MPST: variants seen among roughly 807,000 people sequenced by gnomAD.
MPST encodes the protein 3-mercaptopyruvate sulfurtransferase.
Under a neutral mutation model 28.5 loss-of-function variants are expected in MPST, and 27 were observed. That is an observed-to-expected ratio of 0.95 (90% CI 0.70 to 1.31). The LOEUF is 1.31. MPST is among the 50% of genes most tolerant of loss of function. The pLI is 0.00. For synonymous variants in MPST, 204 were observed against 209.3 expected, an observed-to-expected ratio of 0.97 and a Z score of 0.22; for missense variants, 492 against 471.1, an observed-to-expected ratio of 1.04 and a Z score of -0.41.
intron 2 of MPST, chr22:37,026,619 T>C (rs1923546657): frequency 6.6e-6 from 1 of 152,240 alleles, no homozygotes; most frequent in African/African-American, 2.4e-5. Context: ...ATTCAAGGTG[T>C]AGGGATGGCC....
At position 37,024,296 on chromosome 22, in the gene MPST, G is replaced by A; in HGVS notation, c.141G>A (p.Gln47=). 1 of 1,524,806 alleles carries A rather than the reference G, an allele frequency of 6.6e-7. No homozygotes were observed. Among genetic ancestry groups the A allele is most frequent in the Non-Finnish European group, 8.8e-7 (1 of 1,140,266 alleles). The allele number at this position is 1,524,806 out of a possible 1,614,324, so 94.5% of individuals were successfully genotyped here. ...CGCTGCGGGCCCCGCGCGCTGGGCA[G>A]CCTCTGCAGCTGCTGGACGCCTCCT... The part of the protein sequence containing the change: ...AEALRAPRAG[Q]PLQLLDASWY... The change falls in exon 2 of 3, where the codon CAG becomes CAA. Residue 47 remains glutamine (Q), a synonymous_variant. Transcript: ENST00000429360.
At chr22:37,025,398 G>C (rs112097392) in intron 2 of MPST, 2 of 259,866 alleles carry the variant, frequency 7.7e-6, no homozygotes, top group African/African-American at 4.4e-5. Flanking sequence ...AATGAAGGCA[G>C]AGTCGGGGGC....
intron 2 of MPST, chr22:37,025,317 G>A (rs918256922): frequency 1.1e-5 from 5 of 455,408 alleles, no homozygotes; most frequent in African/African-American, 8.2e-5. Flanking sequence ...TTGGGGGGCA[G>A]GCCCCAGTAT....
chr22:37,019,806 C>T lies in MPST; in HGVS notation c.-31C>T, dbSNP rs1422920160. On this transcript the variant is annotated 5_prime_UTR_variant, in exon 1 of 3. Transcript: ENST00000429360. ...GGCGGGAGGAGGGGACAGCTGCGGGCGCGGGGAGGGGGCGCCGCGCCGCGG... is the reference window on the plus strand; with the variant it reads ...GGCGGGAGGAGGGGACAGCTGCGGGTGCGGGGAGGGGGCGCCGCGCCGCGG... 5.3e-6 allele frequency: 6 copies of T among 1,133,326 alleles called. No individual in the cohort carries two copies. The highest frequency in any genetic ancestry group is 6.7e-6 in the Non-Finnish European group (6 of 897,760). The allele number at this position is 1,133,326 out of a possible 1,614,324, so 70.2% of individuals were successfully genotyped here.
At chr22:37,021,132 C>A (rs890728749) in intron 1 of MPST, among the ~76,000 whole-genome samples, 1 of 152,178 alleles carries the variant, frequency 6.6e-6, no homozygotes, top group Non-Finnish European at 1.5e-5. Context: ...CTGCGGCTCA[C>A]GCTTGCTTCA....
Position 37,024,257 on chromosome 22 carries a change from A to C in MPST, c.102A>C (p.Gln34His), listed in dbSNP as rs1923298230. Reference sequence around the variant, plus strand: ...TCTGCCGCGCGCTGGTGTCGGCGCAATGGGTGGCGGAGGCGCTGCGGGCCC... The same window carrying C: ...TCTGCCGCGCGCTGGTGTCGGCGCACTGGGTGGCGGAGGCGCTGCGGGCCC... ...PQLCRALVSA[Q>H]WVAEALRAPR... Residue 34 changes from glutamine (Q) to histidine (H), a missense_variant, in exon 2 of 3, where the codon CAA becomes CAC. Physicochemically the swap from Gln to His is conservative, Grantham distance 24. Coordinates refer to ENST00000429360, the MANE Select transcript of MPST (RefSeq NM_021126.8). 6.9e-7 allele frequency: 1 copy of C among 1,446,132 alleles called. No homozygotes were observed. Among genetic ancestry groups the C allele is most frequent in the Non-Finnish European group, 9.0e-7 (1 of 1,109,338 alleles). The allele number at this position is 1,446,132 out of a possible 1,614,324, so 89.6% of individuals were successfully genotyped here.
At chr22:37,026,117 C>G (rs969833088) in intron 2 of MPST, 4 of 152,206 alleles carry the variant, frequency 2.6e-5, no homozygotes, top group African/African-American at 9.7e-5. Context: ...GAGAGCACCA[C>G]CTTAATCCTG....
chr22:37,024,992 C>A, intron 2 of MPST, 182 bp downstream of exon 2: 1 of 1,490,558 alleles, frequency 6.7e-7, no homozygotes, highest in Non-Finnish European at 9.1e-7. Flanking sequence ...CCCTTGCCTT[C>A]TTTTCACAGG....
intron 2 of MPST, chr22:37,025,265 T>G: frequency 3.6e-6 from 3 of 837,434 alleles, no homozygotes; most frequent in Non-Finnish European, 4.8e-6. Flanking sequence ...CCCAAACAGC[T>G]CTCAATCCAA....
intron 1 of MPST, chr22:37,023,563 C>T (rs182350552): frequency 3.2e-4 from 55 of 171,024 alleles, no homozygotes; most frequent in Non-Finnish European, 8.4e-5. Context: ...CGCACCAGGC[C>T]AGGTTAGTGC....
intron 2 of MPST, chr22:37,025,015 C>A (rs1249264525): frequency 2.0e-6 from 3 of 1,486,446 alleles, no homozygotes; most frequent in Non-Finnish European, 2.7e-6. Flanking sequence ...CTGGCTCTAC[C>A]GCCCAGGCTG....
Position 37,029,594 on chromosome 22 carries a change from C to G in MPST, c.*80C>G. ...CCTGGTAGCTCCGCTTCTGCTTTCA[C>G]CAAGAGAGTGTTTCTTCACTCAACT... On this transcript the variant is annotated 3_prime_UTR_variant, in exon 3 of 3. Transcript: ENST00000429360. 1.4e-6 allele frequency: 2 copies of G among 1,379,802 alleles called. No homozygotes were observed. Among genetic ancestry groups the G allele is most frequent in the South Asian group, 2.9e-5 (2 of 70,156 alleles). The allele number at this position is 1,379,802 out of a possible 1,614,324, so 85.5% of individuals were successfully genotyped here.
rs1174078099 is a variant in MPST, at chr22:37,029,428, C to G, written c.868C>G (p.Pro290Ala). 6.2e-7 allele frequency: 1 copy of G among 1,613,854 alleles called. No homozygotes were observed. Among genetic ancestry groups the G allele is most frequent in the Non-Finnish European group, 8.5e-7 (1 of 1,180,014 alleles). The change falls in exon 3 of 3, where the codon CCC becomes GCC. Residue 290 changes from proline to alanine, a missense_variant. Pro to Ala is a conservative substitution (Grantham distance 27, BLOSUM62 -1). Coordinates refer to ENST00000429360, the MANE Select transcript of MPST (RefSeq NM_021126.8). ...CTACCTCTGCGGCAAGCCAGACGTG[C>G]CCATCTACGATGGCTCCTGGGTGGA... ...GAYLCGKPDV[P>A]IYDGSWVEWY... is the part of the protein sequence containing the mutation.
At chr22:37,022,325 G>T (rs534330677) in intron 1 of MPST, among the ~76,000 whole-genome samples, 1 of 152,238 alleles carries the variant, frequency 6.6e-6, no homozygotes, top group East Asian at 1.9e-4. Flanking sequence ...CAAACATAGG[G>T]GCCCTCTGTG....
chr22:37,028,972 C>T lies in MPST; in HGVS notation c.656-244C>T, dbSNP rs944834203. 27 of 501,950 alleles carry T rather than the reference C, an allele frequency of 5.4e-5. 1 individual carries two copies. The South Asian group carries it at 6.5e-4, about 12-fold the overall frequency. 31.1% of individuals were successfully genotyped at this position (501,950 alleles called of 1,614,324 possible). The stretch of plus-strand genomic sequence containing the variant: ...CCAGTTCTTAGGTTCAAAGTTCAGT[C>T]AGCAATTTGCTAGATGTGTTAGCCT... On this transcript the variant is annotated intron_variant, in intron 2 of 2. Coordinates refer to ENST00000429360, the MANE Select transcript of MPST (RefSeq NM_021126.8).
Position 37,029,344 on chromosome 22 carries a change from A to G in MPST, c.784A>G (p.Lys262Glu), listed in dbSNP as rs1923735990. The G allele has an allele frequency of 6.2e-7, 1 of 1,613,994 alleles. No individual in the cohort carries two copies. Among genetic ancestry groups the G allele is most frequent in the Non-Finnish European group, 8.5e-7 (1 of 1,180,022 alleles). ...LFQEKKVDLSKPLVATCGSGV... is the reference protein window; with the variant it reads ...LFQEKKVDLSEPLVATCGSGV... ...CCAGGAGAAGAAAGTGGACCTGTCT[A>G]AGCCACTGGTGGCCACGTGTGGCTC... Residue 262 changes from lysine to glutamate, a missense_variant, in exon 3 of 3, where the codon AAG becomes GAG. Physicochemically the swap from Lys to Glu is moderately conservative, Grantham distance 56 (BLOSUM62 1). Coordinates refer to ENST00000429360, the MANE Select transcript of MPST (RefSeq NM_021126.8).
Position 37,024,412 on chromosome 22 carries a change from G to A in MPST, c.257G>A (p.Ser86Asn). The A allele has an allele frequency of 6.5e-7, 1 of 1,545,382 alleles. No homozygotes were observed. Among genetic ancestry groups the A allele is most frequent in the Non-Finnish European group, 8.7e-7 (1 of 1,143,930 alleles). Residue 86 changes from serine (S) to asparagine (N), a missense_variant, in exon 2 of 3, where the codon AGC becomes AAC. Ser to Asn is a conservative substitution (Grantham distance 46). Coordinates refer to ENST00000429360, the MANE Select transcript of MPST (RefSeq NM_021126.8). ...GAAFFDIDQCSDRTSPYDHML... is the reference protein window; with the variant it reads ...GAAFFDIDQCNDRTSPYDHML... ...GCTTTCTTCGACATCGACCAGTGCA[G>A]CGACCGCACCTCGCCCTACGACCAC...
chr22:37,025,592 C>T (rs1923461765), intron 2 of MPST: 2 of 160,918 alleles, frequency 1.2e-5, no homozygotes, highest in South Asian at 3.4e-4. Context: ...GGTCAGTGGT[C>T]ACGCTAGTGT....
intron 1 of MPST, among the ~76,000 whole-genome samples, chr22:37,021,039 G>A (rs926675524): frequency 8.5e-5 from 13 of 152,102 alleles, no homozygotes; most frequent in African/African-American, 2.9e-4. Context: ...GGTTGGGGGA[G>A]GGGGTGGGCA....
Sources: gnomAD v4.1 joint callset for allele counts (sites outside exome capture counted in the v4.1 genomes callset) on GRCh38, gnomAD v4.1.1 for gene constraint, MANE v1.5 for transcripts, NCBI Gene and HGNC (gene_info 2026-07-23, HGNC 2026-07-21) for gene names.